TUBA1C: variants seen among roughly 807,000 people sequenced by gnomAD.
TUBA1C encodes the protein tubulin alpha 1c.
TUBA1C carries 16 observed loss-of-function variants against 34.9 expected under a neutral mutation model. The ratio of observed to expected loss-of-function variants is 0.46; its 90% CI spans 0.31 to 0.70. The LOEUF is 0.70. TUBA1C is among the 30% of genes least tolerant of loss of function. TUBA1C has a pLI of 0.05. For synonymous variants in TUBA1C, 177 were observed against 215.9 expected (o/e 0.82, Z 1.58); for missense variants, 329 against 587.3 (o/e 0.56, Z 4.55).
intron 1 of TUBA1C, among the ~76,000 whole-genome samples, chr12:49,250,478 C>T (rs61942251): frequency 8.8e-5 from 13 of 146,968 alleles, no homozygotes; most frequent in South Asian, 4.3e-4. Context: ...GAGCCGAGAT[C>T]GCGCCACTGC....
intron 3 of TUBA1C, among the ~76,000 whole-genome samples, chr12:49,271,832 T>C (rs1054404741): frequency 1.3e-5 from 2 of 152,212 alleles, no homozygotes; most frequent in Non-Finnish European, 2.9e-5. Flanking sequence ...TTACCAAAAC[T>C]TGAGCCCTGT....
At position 49,269,719 on chromosome 12, in the gene TUBA1C, C is replaced by G. The variant is rs775765052; in HGVS notation, c.226+32C>G. ...TGACCTCAGTAACCCAAGTGAGATCCCAGGGTGCTGGGACAGGAGGTCTGT... is the reference window on the plus strand; with the variant it reads ...TGACCTCAGTAACCCAAGTGAGATCGCAGGGTGCTGGGACAGGAGGTCTGT... On this transcript the variant is annotated intron_variant, in intron 2 of 3. Transcript: ENST00000301072. The G allele has an allele frequency of 1.6e-5, 26 of 1,612,976 alleles. No homozygotes were observed. The Middle Eastern group carries it at 5.0e-4, about 31-fold the overall frequency.
intron 1 of TUBA1C, among the ~76,000 whole-genome samples, chr12:49,237,275 C>T (rs931661188): frequency 1.3e-5 from 2 of 150,694 alleles, no homozygotes; most frequent in East Asian, 2.0e-4. Context: ...CAAAATTAGC[C>T]GGGAGTGGTG....
At chr12:49,262,978 T>C (rs990846732), upstream of TUBA1C, among the ~76,000 whole-genome samples, 8 of 151,526 alleles carry the variant, frequency 5.3e-5, no homozygotes, top group African/African-American at 1.9e-4. Flanking sequence ...AATCTAAATA[T>C]GGATCCCAAT....
intron 1 of TUBA1C, among the ~76,000 whole-genome samples, chr12:49,247,165 A>G (rs1426612062): frequency 1.3e-5 from 2 of 152,050 alleles, no homozygotes; most frequent in African/African-American, 4.8e-5. Flanking sequence ...AGAAAAAAAA[A>G]GTAAAACAAG....
chr12:49,270,998 A>C (rs944955023), intron 3 of TUBA1C, among the ~76,000 whole-genome samples: 9 of 152,118 alleles, frequency 5.9e-5, no homozygotes, highest in African/African-American at 2.2e-4. Context: ...AACAAACAAA[A>C]AAAACCCTAA....
At chr12:49,267,598 C>G (rs1018563408) in intron 1 of TUBA1C, among the ~76,000 whole-genome samples, 6 of 152,140 alleles carry the variant, frequency 3.9e-5, no homozygotes, top group Non-Finnish European at 7.4e-5. Flanking sequence ...GGCGGAGTTT[C>G]CACTGCACTC....
chr12:49,251,419 A>G (rs995042798), intron 1 of TUBA1C, among the ~76,000 whole-genome samples: 2 of 152,216 alleles, frequency 1.3e-5, no homozygotes, highest in African/African-American at 4.8e-5. Context: ...AGAAAAGTAT[A>G]TATCGATATC....
chr12:49,267,724 G>C (rs1357848679), intron 1 of TUBA1C, among the ~76,000 whole-genome samples: 1 of 152,228 alleles, frequency 6.6e-6, no homozygotes, highest in South Asian at 2.1e-4. Context: ...CTGGAGCTGG[G>C]TGAGTAGACC....
chr12:49,268,350 C>A (rs546933884), intron 1 of TUBA1C, among the ~76,000 whole-genome samples: 1 of 151,956 alleles, frequency 6.6e-6, no homozygotes, highest in Non-Finnish European at 1.5e-5. Context: ...CCACCCACCT[C>A]GGTCTCCCAA....
chr12:49,228,217 G>A, intron 1 of TUBA1C: 1 of 1,510,452 alleles, frequency 6.6e-7, no homozygotes, highest in Non-Finnish European at 8.9e-7. Flanking sequence ...TGCACGGCTT[G>A]GACATGGTAC....
chr12:49,236,679 A>T (rs1432858301), intron 1 of TUBA1C, among the ~76,000 whole-genome samples: 1 of 152,238 alleles, frequency 6.6e-6, no homozygotes, highest in Non-Finnish European at 1.5e-5. Flanking sequence ...GTGCAAACAT[A>T]GAGTGCACAT....
At chr12:49,253,569 C>T (rs1293792591) in intron 1 of TUBA1C, among the ~76,000 whole-genome samples, 1 of 152,118 alleles carries the variant, frequency 6.6e-6, no homozygotes, top group Admixed American at 6.6e-5. Context: ...GAGGGTTTCA[C>T]TCTTGCCCAG....
At chr12:49,259,073 T>G (rs1209699075) in intron 1 of TUBA1C, among the ~76,000 whole-genome samples, 1 of 151,886 alleles carries the variant, frequency 6.6e-6, no homozygotes, top group Non-Finnish European at 1.5e-5. Context: ...ATGAAAAATT[T>G]TTTTAAATGT....
chr12:49,252,682 C>G (rs74390722), intron 1 of TUBA1C, among the ~76,000 whole-genome samples: 1 of 152,112 alleles, frequency 6.6e-6, no homozygotes, highest in Admixed American at 6.6e-5. Context: ...GAGGCCGAGG[C>G]GGGTGGATCA....
intron 1 of TUBA1C, among the ~76,000 whole-genome samples, chr12:49,244,914 A>T (rs1407549485): frequency 2.0e-5 from 3 of 152,092 alleles, no homozygotes; most frequent in African/African-American, 7.2e-5. Context: ...TCCTTATAAT[A>T]ACTTTATAAT....
intron 1 of TUBA1C, among the ~76,000 whole-genome samples, chr12:49,245,253 A>G (rs1240795208): frequency 6.6e-6 from 1 of 152,202 alleles, no homozygotes; most frequent in Non-Finnish European, 1.5e-5. Flanking sequence ...GGTGGAAAAA[A>G]TTGACAAAAA....
chr12:49,250,877 TA>T (rs1391705217), intron 1 of TUBA1C, among the ~76,000 whole-genome samples: 1 of 151,584 alleles, frequency 6.6e-6, no homozygotes, highest in Non-Finnish European at 1.5e-5. Flanking sequence ...TATCCAAACA[TA>T]CCTATATCAA....
chr12:49,251,888 C>G (rs1330103505), intron 1 of TUBA1C, among the ~76,000 whole-genome samples: 2 of 151,148 alleles, frequency 1.3e-5, no homozygotes, highest in Non-Finnish European at 2.9e-5. Flanking sequence ...TAATAAAGGA[C>G]AAAAGCTACA....
Sources: gnomAD v4.1 joint callset for allele counts (sites outside exome capture counted in the v4.1 genomes callset) on GRCh38, gnomAD v4.1.1 for gene constraint, MANE v1.5 for transcripts, NCBI Gene and HGNC (gene_info 2026-07-23, HGNC 2026-07-21) for gene names.